Variants in SDK1 observed in about 807,000 individuals in gnomAD.
SDK1 encodes the protein sidekick cell adhesion molecule 1.
SDK1 carries 157 observed loss-of-function variants against 245.5 expected under a neutral mutation model. The ratio of observed to expected loss-of-function variants is 0.64; its 90% CI spans 0.56 to 0.73. SDK1 has a LOEUF of 0.73. Ranked by LOEUF, SDK1 falls within the 30% of genes least tolerant of loss-of-function variation. The pLI is 0.00. For synonymous variants in SDK1, 1,647 were observed against 1,278.5 expected, an observed-to-expected ratio of 1.29 and a Z score of -6.15; for missense variants, 3,583 against 3,002.3, an observed-to-expected ratio of 1.19 and a Z score of -4.52.
chr7:4,135,298 T>C (rs547579381), intron 28 of SDK1, among the ~76,000 whole-genome samples: 5 of 152,314 alleles, frequency 3.3e-5, no homozygotes, highest in African/African-American at 1.2e-4. Flanking sequence ...CCTACACCCT[T>C]GCCAGGAGCG....
At chr7:3,409,719 C>T (rs1393312990) in intron 1 of SDK1, among the ~76,000 whole-genome samples, 1 of 151,816 alleles carries the variant, frequency 6.6e-6, no homozygotes, top group Non-Finnish European at 1.5e-5. Flanking sequence ...TGACTGTTGA[C>T]CCAGAGAAAG....
At chr7:4,167,639 G>C (rs1781577095) in intron 32 of SDK1, among the ~76,000 whole-genome samples, 1 of 152,222 alleles carries the variant, frequency 6.6e-6, no homozygotes, top group South Asian at 2.1e-4. Context: ...GGCTCTGACT[G>C]AGCATCCGCC....
chr7:4,005,393 AGTGTGTGTGTGTGTGTGTGTGTGT>A (rs71032920), intron 14 of SDK1, among the ~76,000 whole-genome samples: 43 of 129,910 alleles, frequency 3.3e-4, no homozygotes, highest in Non-Finnish European at 4.2e-4. Context: ...TTCTTATGTG[AGTGTGTGTGTGTGTGTGTGTGTGT>A]GTGTGTGTGT....
chr7:4,094,581 C>T (rs1036520089), intron 22 of SDK1, among the ~76,000 whole-genome samples: 6 of 152,188 alleles, frequency 3.9e-5, no homozygotes, highest in African/African-American at 1.4e-4. Context: ...AGCAAGATAC[C>T]AAGACCTCAT....
At chr7:3,561,802 T>C (rs1779760594) in intron 1 of SDK1, among the ~76,000 whole-genome samples, 1 of 152,258 alleles carries the variant, frequency 6.6e-6, no homozygotes, top group African/African-American at 2.4e-5. Context: ...AATAAATTTC[T>C]CTGAATCTGG....
At chr7:4,131,787 A>C in intron 27 of SDK1, among the ~76,000 whole-genome samples, 1 of 152,106 alleles carries the variant, frequency 6.6e-6, no homozygotes, top group South Asian at 2.1e-4. Flanking sequence ...ACTCTTAATT[A>C]TCTAGGATGA....
intron 4 of SDK1, among the ~76,000 whole-genome samples, chr7:3,755,670 TC>T (rs886398041): frequency 6.6e-6 from 1 of 152,070 alleles, no homozygotes; most frequent in African/African-American, 2.4e-5. Flanking sequence ...ACCAACTCCT[TC>T]CCCCCAACCC....
At chr7:3,337,038 A>G (rs2128552976) in intron 1 of SDK1, among the ~76,000 whole-genome samples, 1 of 152,294 alleles carries the variant, frequency 6.6e-6, no homozygotes, top group South Asian at 2.1e-4. Flanking sequence ...ATACAATTCT[A>G]CAGATCACTC....
chr7:3,943,168 G>A (rs1780432725), intron 5 of SDK1, among the ~76,000 whole-genome samples: 1 of 152,178 alleles, frequency 6.6e-6, no homozygotes, highest in Non-Finnish European at 1.5e-5. Flanking sequence ...AAATCCCACT[G>A]CTTTAGGGCA....
At chr7:3,986,622 A>AG (rs1442275627) in intron 13 of SDK1, among the ~76,000 whole-genome samples, 3 of 152,238 alleles carry the variant, frequency 2.0e-5, no homozygotes, top group African/African-American at 7.2e-5. Flanking sequence ...GCACTTTGGG[A>AG]GGCCAAGGCG....
chr7:3,753,251 T>C (rs1440480242), intron 4 of SDK1, among the ~76,000 whole-genome samples: 1 of 152,246 alleles, frequency 6.6e-6, no homozygotes, highest in Non-Finnish European at 1.5e-5. Flanking sequence ...CTTCATTTTA[T>C]GAACCTTATT....
intron 1 of SDK1, among the ~76,000 whole-genome samples, chr7:3,515,618 A>T (rs991509097): frequency 6.6e-6 from 1 of 152,214 alleles, no homozygotes; most frequent in East Asian, 1.9e-4. Flanking sequence ...TCCAAAATTT[A>T]AAACTGAAGG....
At chr7:3,841,763 A>G (rs965853173) in intron 5 of SDK1, among the ~76,000 whole-genome samples, 38 of 152,046 alleles carry the variant, frequency 2.5e-4, no homozygotes, top group African/African-American at 8.4e-4. Context: ...GGGTTTCACT[A>G]TGTTGGTCAG....
At chr7:3,975,962 G>A (rs563496680) in intron 13 of SDK1, among the ~76,000 whole-genome samples, 2 of 124,906 alleles carry the variant, frequency 1.6e-5, no homozygotes. Context: ...GCCACGCAGA[G>A]GGTCCTCCAG....
intron 44 of SDK1, among the ~76,000 whole-genome samples, chr7:4,248,120 G>A (rs1216895903): frequency 1.3e-5 from 2 of 152,122 alleles, no homozygotes; most frequent in African/African-American, 4.8e-5. Flanking sequence ...GCACACCCGT[G>A]AACTGAGCTA....
At chr7:3,996,023 C>T (rs1008583783) in intron 14 of SDK1, among the ~76,000 whole-genome samples, 6 of 151,960 alleles carry the variant, frequency 3.9e-5, no homozygotes, top group Admixed American at 1.3e-4. Context: ...TAGGTTTTTG[C>T]CTTGTTTATA....
chr7:3,558,412 T>C (rs754749786), intron 1 of SDK1, among the ~76,000 whole-genome samples: 1 of 152,232 alleles, frequency 6.6e-6, no homozygotes, highest in Non-Finnish European at 1.5e-5. Flanking sequence ...CTTTGACCAG[T>C]CCTGCAGTCT....
chr7:3,916,963 G>C (rs1333561292), intron 5 of SDK1, among the ~76,000 whole-genome samples: 1 of 152,220 alleles, frequency 6.6e-6, no homozygotes, highest in Non-Finnish European at 1.5e-5. Context: ...CATGGCAAGT[G>C]CCTGACATTT....
intron 1 of SDK1, among the ~76,000 whole-genome samples, chr7:3,441,380 C>G (rs772719788): frequency 2.0e-5 from 3 of 151,606 alleles, no homozygotes; most frequent in Non-Finnish European, 4.4e-5. Flanking sequence ...GATCCAAAAT[C>G]TCAAAAAAAC....
Sources: gnomAD v4.1 joint callset for allele counts (sites outside exome capture counted in the v4.1 genomes callset) on GRCh38, gnomAD v4.1.1 for gene constraint, MANE v1.5 for transcripts, NCBI Gene and HGNC (gene_info 2026-07-23, HGNC 2026-07-21) for gene names.